The following CDC27 variants were observed in gnomAD, a reference collection of about 807,000 sequenced individuals.
CDC27 encodes cell division cycle protein 27 homolog.
In CDC27, 27 loss-of-function variants were observed where a neutral mutation model predicts 109.7. The observed-to-expected ratio is 0.25, with a 90% CI of 0.18 to 0.34. CDC27 has a LOEUF of 0.34. Ranked by LOEUF, CDC27 falls within the 10% of genes least tolerant of loss-of-function variation. The pLI is 1.00. For synonymous variants in CDC27, 266 were observed against 333.9 expected (o/e 0.80, Z 2.22); for missense variants, 579 against 960.2 (o/e 0.60, Z 5.25).
chr17:47,169,511 G>A (rs1052887823), intron 4 of CDC27, among the ~76,000 whole-genome samples: 1 of 151,998 alleles, frequency 6.6e-6, no homozygotes, highest in African/African-American at 2.4e-5. Context: ...TGGGCGTGGT[G>A]TCGGGCACCT....
chr17:47,141,837 C>T lies in CDC27; in HGVS notation c.1551+16G>A, dbSNP rs1332492026. On this transcript the variant is annotated intron_variant, in intron 12 of 18. Transcript: ENST00000066544. ...TTATCTCTAGAAAGGCATATATAAC[C>T]ATTTTCTATACTTACTTGCATGTAC... 9.2e-6 allele frequency: 14 copies of T among 1,526,682 alleles called. No individual in the cohort carries two copies. Among genetic ancestry groups the T allele is most frequent in the Non-Finnish European group, 1.2e-5 (14 of 1,133,498 alleles). 94.6% of individuals were successfully genotyped at this position (1,526,682 alleles called of 1,614,324 possible).
intron 7 of CDC27, among the ~76,000 whole-genome samples, chr17:47,155,530 G>A (rs1187683632): frequency 6.6e-6 from 1 of 152,148 alleles, no homozygotes; most frequent in Non-Finnish European, 1.5e-5. Context: ...ACAGGCATGA[G>A]CCCCCATGCC....
intron 1 of CDC27, among the ~76,000 whole-genome samples, chr17:47,184,419 C>CA (rs1412438056): frequency 2.0e-5 from 3 of 152,122 alleles, no homozygotes; most frequent in Non-Finnish European, 4.4e-5. Context: ...ACAAAAGACT[C>CA]AAATGATTTA....
At chr17:47,135,280 T>C (rs542622400) in intron 14 of CDC27, among the ~76,000 whole-genome samples, 1 of 152,260 alleles carries the variant, frequency 6.6e-6, no homozygotes, top group Admixed American at 6.5e-5. Context: ...ACCTCAAAAT[T>C]ACAATTTCTA....
At chr17:47,181,254 C>CAAAAAAAAAAA (rs34104273) in intron 2 of CDC27, 4 of 31,206 alleles carry the variant, frequency 1.3e-4, no homozygotes, top group Non-Finnish European at 1.7e-4. Context: ...GACCCTGTTT[C>CAAAAAAAAAAA]AAAAAAAAAA....
At chr17:47,142,652 G>C (rs905287936) in intron 10 of CDC27, among the ~76,000 whole-genome samples, 1 of 152,086 alleles carries the variant, frequency 6.6e-6, no homozygotes, top group Non-Finnish European at 1.5e-5. Context: ...AGTGACTAAG[G>C]TGTGTCAGCA....
intron 17 of CDC27, among the ~76,000 whole-genome samples, chr17:47,123,168 G>C (rs1258746983): frequency 6.6e-6 from 1 of 151,970 alleles, no homozygotes; most frequent in African/African-American, 2.4e-5. Context: ...ACTCTGACTG[G>C]AGCAATGATA....
chr17:47,171,951 A>G lies in CDC27; in HGVS notation c.217T>C (p.Tyr73His). ...TCAACACAACATTTTGCAAGCAGGT[A>G]TTTGCATTGCGGTGTAGTACAACTG... The part of the protein sequence containing the change: ...GHSCTTPQCK[Y>H]LLAKCCVDLS... Residue 73 changes from tyrosine to histidine, a missense_variant, in exon 3 of 19, where the codon TAC (tyrosine) becomes CAC (histidine). Transcript: ENST00000066544. 6.3e-7 allele frequency: 1 copy of G among 1,594,584 alleles called. No individual in the cohort carries two copies. Among genetic ancestry groups the G allele is most frequent in the South Asian group, 1.2e-5 (1 of 86,826 alleles).
chr17:47,170,171 C>T (rs1406643055), intron 3 of CDC27, 129 bp from the exon 4 acceptor site: 7 of 546,074 alleles, frequency 1.3e-5, no homozygotes, highest in Non-Finnish European at 2.1e-5. Flanking sequence ...CTTTCCTTTT[C>T]CTTCCTTCCT....
intron 4 of CDC27, among the ~76,000 whole-genome samples, chr17:47,168,429 T>C (rs1365472750): frequency 6.6e-6 from 1 of 152,174 alleles, no homozygotes; most frequent in Non-Finnish European, 1.5e-5. Context: ...TTTCACTATA[T>C]CACACTTACA....
At chr17:47,180,322 C>T (rs1196194899) in intron 2 of CDC27, among the ~76,000 whole-genome samples, 1 of 152,072 alleles carries the variant, frequency 6.6e-6, no homozygotes, top group East Asian at 1.9e-4. Flanking sequence ...CCTTAAACTC[C>T]TGCTGCCCAG....
At chr17:47,122,301 C>T in intron 18 of CDC27, 143 bp downstream of exon 18, 1 of 509,854 alleles carries the variant, frequency 2.0e-6, no homozygotes, top group Non-Finnish European at 3.4e-6. Flanking sequence ...TTTGTTATTA[C>T]ATCACCCTGT....
chr17:47,119,810 A>C lies in CDC27; in HGVS notation c.*1125T>G, dbSNP rs1264253448. The C allele has an allele frequency of 2.0e-5, 3 of 152,200 alleles. No homozygotes were observed. The highest frequency in any genetic ancestry group is 6.6e-5 in the Admixed American group (1 of 15,266). The allele number at this position is 152,200 out of a possible 1,614,324, so 9.4% of individuals were successfully genotyped here. ...AGAATGTTTTTTCCCCCAAGCTAAAAATTTCCAACATCCTAAACCCAATTA... is the reference window on the plus strand; with the variant it reads ...AGAATGTTTTTTCCCCCAAGCTAAACATTTCCAACATCCTAAACCCAATTA... On this transcript the variant is annotated 3_prime_UTR_variant, in exon 19 of 19. Coordinates refer to ENST00000066544, the MANE Select transcript of CDC27 (RefSeq NM_001256.6).
At chr17:47,184,884 A>C (rs1459877718) in intron 1 of CDC27, among the ~76,000 whole-genome samples, 1 of 152,212 alleles carries the variant, frequency 6.6e-6, no homozygotes, top group Non-Finnish European at 1.5e-5. Context: ...AAGAACACCC[A>C]GTGCATTACC....
At chr17:47,186,286 CAT>C (rs1207188764) in intron 1 of CDC27, among the ~76,000 whole-genome samples, 1 of 152,100 alleles carries the variant, frequency 6.6e-6, no homozygotes, top group South Asian at 2.1e-4. Context: ...TCTTTGAATC[CAT>C]GTTAGATGCT....
chr17:47,184,977 C>T (rs2064376916), intron 1 of CDC27, among the ~76,000 whole-genome samples: 1 of 152,130 alleles, frequency 6.6e-6, no homozygotes, highest in Non-Finnish European at 1.5e-5. Flanking sequence ...ACGCTCCTCT[C>T]CCTCTCCCCT....
chr17:47,122,282 T>G (rs2062003710), intron 18 of CDC27, among the ~76,000 whole-genome samples, 162 bp downstream of exon 18: 2 of 151,896 alleles, frequency 1.3e-5, no homozygotes, highest in African/African-American at 2.4e-5. Flanking sequence ...TATCTGACTT[T>G]ATATGCATTT....
At chr17:47,154,632 C>CG (rs769552755) in intron 8 of CDC27, 40 bp downstream of exon 8, 1 of 1,036,134 alleles carries the variant, frequency 9.7e-7, no homozygotes, top group Non-Finnish European at 1.5e-6. Flanking sequence ...AAACAAGTTG[C>CG]TTTAATCAAT....
intron 1 of CDC27, among the ~76,000 whole-genome samples, chr17:47,184,945 A>G (rs1318207283): frequency 6.6e-6 from 1 of 152,166 alleles, no homozygotes; most frequent in African/African-American, 2.4e-5. Flanking sequence ...GCTAAAAGAA[A>G]GTTATGAAGC....
Sources: gnomAD v4.1 joint callset for allele counts (sites outside exome capture counted in the v4.1 genomes callset) on GRCh38, gnomAD v4.1.1 for gene constraint, MANE v1.5 for transcripts, NCBI Gene and HGNC (gene_info 2026-07-23, HGNC 2026-07-21) for gene names.